The following CACNB4 variants were observed in gnomAD, a reference collection of about 807,000 sequenced individuals.
CACNB4 encodes calcium voltage-gated channel auxiliary subunit beta 4.
Under a neutral mutation model 71.2 loss-of-function variants are expected in CACNB4, and 32 were observed. That is an observed-to-expected ratio of 0.45 (90% confidence interval 0.34 to 0.60). CACNB4 has a LOEUF of 0.60. Ranked by LOEUF, CACNB4 falls within the 20% of genes least tolerant of loss-of-function variation. The probability of loss-of-function intolerance (pLI) is 0.01; values close to 1 mark genes in which losing one functional copy is unlikely to be tolerated. For synonymous variants in CACNB4, 231 were observed against 236.9 expected (o/e 0.97, Z 0.23); for missense variants, 464 against 647.9 (o/e 0.72, Z 3.08).
At chr2:152,065,362 GGCA>G (rs1686254519) in intron 2 of CACNB4, among the ~76,000 whole-genome samples, 1 of 150,370 alleles carries the variant, frequency 6.7e-6, no homozygotes, top group African/African-American at 2.4e-5. Flanking sequence ...CAACCTGGGT[GGCA>G]GAGCAAGACT....
Position 151,978,387 on chromosome 2 carries a change from C to T in CACNB4, c.148-95017G>A, listed in dbSNP as rs573890095. Among the ~76,000 whole-genome samples the T allele has an allele frequency of 5.5e-4, 83 of 152,212 alleles. 2 individuals carry two copies. The highest frequency in any genetic ancestry group is 4.1e-3 in the Admixed American group (62 of 15,290). On this transcript the variant is annotated intron_variant, in intron 2 of 13. Coordinates refer to ENST00000539935, the MANE Select transcript of CACNB4 (RefSeq NM_000726.5). ...CCACATTGCCCAGCTCCAAGGGCCC[C>T]ATGCACCCCATGTGAATGGTCCTCC...
intron 2 of CACNB4, among the ~76,000 whole-genome samples, chr2:151,909,381 A>G (rs1449606153): frequency 2.0e-5 from 3 of 150,856 alleles, no homozygotes; most frequent in Non-Finnish European, 4.4e-5. Context: ...AGTTGCAGTG[A>G]GCCGAGATCA....
rs537755843 is a variant in CACNB4, at chr2:151,951,290, T to TAA, written c.148-67922_148-67921dup. ...GAATCTCACCTGAATTTCTAAAAATTAAAAAAAAAAACAACTAATAACCAA... is the reference window on the plus strand; with the variant it reads ...GAATCTCACCTGAATTTCTAAAAATTAAAAAAAAAAAAACAACTAATAACCAA... On this transcript the variant is annotated intron_variant, in intron 2 of 13. Transcript: ENST00000539935. Among the ~76,000 whole-genome samples the TAA allele has an allele frequency of 2.7e-5, 4 of 145,798 alleles. No homozygotes were observed. The South Asian group carries it at 8.8e-4, about 32-fold the overall frequency.
chr2:152,004,997 C>T (rs563856489), intron 2 of CACNB4, among the ~76,000 whole-genome samples: 2 of 152,258 alleles, frequency 1.3e-5, no homozygotes, highest in Admixed American at 1.3e-4. Flanking sequence ...GTCAGAATTG[C>T]TATTATTAAA....
intron 2 of CACNB4, among the ~76,000 whole-genome samples, chr2:152,014,964 C>A (rs1402218426): frequency 1.3e-5 from 2 of 152,030 alleles, no homozygotes; most frequent in Non-Finnish European, 2.9e-5. Context: ...CGCTGTAAAC[C>A]AAGGCTGAAT....
chr2:151,982,195 TTTTAGCAAGGCTAAAA>T (rs1201566898), intron 2 of CACNB4, among the ~76,000 whole-genome samples: 1 of 152,358 alleles, frequency 6.6e-6, no homozygotes, highest in East Asian at 1.9e-4. Context: ...CCACCTTCAA[TTTTAGCAAGGCTAAAA>T]TTTAGCAAGG....
At chr2:151,881,428 G>A (rs907708213) in intron 3 of CACNB4, among the ~76,000 whole-genome samples, 14 of 152,210 alleles carry the variant, frequency 9.2e-5, no homozygotes, top group South Asian at 2.1e-4. Context: ...GTTAGTCAGC[G>A]TCAAAGCTGA....
intron 2 of CACNB4, among the ~76,000 whole-genome samples, chr2:151,983,783 A>G (rs1030026108): frequency 2.0e-5 from 3 of 152,016 alleles, no homozygotes; most frequent in African/African-American, 7.2e-5. Context: ...TTTTTAAGAT[A>G]GATTGAAAAA....
chr2:151,998,103 G>A (rs571741953), intron 2 of CACNB4, among the ~76,000 whole-genome samples: 5 of 152,070 alleles, frequency 3.3e-5, no homozygotes, highest in Admixed American at 6.5e-5. Flanking sequence ...TGGGGGGATC[G>A]CCTGAGGTCA....
intron 2 of CACNB4, among the ~76,000 whole-genome samples, chr2:152,025,821 C>T (rs1356436408): frequency 6.6e-6 from 1 of 152,192 alleles, no homozygotes; most frequent in Non-Finnish European, 1.5e-5. Context: ...GTCACAGTTA[C>T]ACTTGTTATA....
chr2:151,963,514 C>A (rs573255879), intron 2 of CACNB4, among the ~76,000 whole-genome samples: 1 of 152,078 alleles, frequency 6.6e-6, no homozygotes, highest in African/African-American at 2.4e-5. Flanking sequence ...TAAATAAATT[C>A]TTCCTATAGA....
chr2:151,888,399 A>T (rs990665730), intron 2 of CACNB4, among the ~76,000 whole-genome samples: 4 of 151,836 alleles, frequency 2.6e-5, no homozygotes, highest in Non-Finnish European at 5.9e-5. Context: ...CCATATCTAC[A>T]AAAAATAAAT....
In CACNB4 at chr2:151,835,266, C is replaced by T. The variant is rs774195581; in HGVS notation, c.*3853G>A. On this transcript the variant is annotated 3_prime_UTR_variant, in exon 14 of 14. Transcript: ENST00000539935. ...CCTTGCCTCATGATAAACTGTGAACCAATTCAAAGAAAACTTCACTAACGT... is the reference window on the plus strand; with the variant it reads ...CCTTGCCTCATGATAAACTGTGAACTAATTCAAAGAAAACTTCACTAACGT... 6.6e-6 allele frequency: 1 copy of T among 151,876 alleles called. No individual in the cohort carries two copies. The highest frequency in any genetic ancestry group is 2.4e-5 in the African/African-American group (1 of 41,426). 9.4% of individuals were successfully genotyped at this position (151,876 alleles called of 1,614,324 possible).
intron 2 of CACNB4, among the ~76,000 whole-genome samples, chr2:151,936,742 C>A (rs1469745248): frequency 6.6e-6 from 1 of 152,216 alleles, no homozygotes; most frequent in African/African-American, 2.4e-5. Flanking sequence ...GTTGGGAATG[C>A]CCTAGGGCCC....
At chr2:151,863,977 C>T (rs1282127416) in intron 9 of CACNB4, among the ~76,000 whole-genome samples, 1 of 152,178 alleles carries the variant, frequency 6.6e-6, no homozygotes, top group East Asian at 1.9e-4. Context: ...AAACCAGACA[C>T]CAAACCCAAA....
intron 2 of CACNB4, among the ~76,000 whole-genome samples, chr2:151,992,588 T>C (rs1025838455): frequency 3.3e-5 from 5 of 152,206 alleles, no homozygotes; most frequent in Non-Finnish European, 7.3e-5. Flanking sequence ...GCTTTTTCTG[T>C]AAATGGCGTG....
rs1688432439 is a variant in CACNB4 at position 152,098,808 on chromosome 2, G to T, written c.63+141C>A. Reference sequence around the variant, plus strand: ...AGCGGGAGGAGAAAGGGACGTGGAGGAGGGGTGGGGGGAGCGGGGCCGCCG... The same window carrying T: ...AGCGGGAGGAGAAAGGGACGTGGAGTAGGGGTGGGGGGAGCGGGGCCGCCG... On this transcript the variant is annotated intron_variant, in intron 1 of 13. Coordinates refer to ENST00000539935, the MANE Select transcript of CACNB4 (RefSeq NM_000726.5). The surrounding 1 kb of genome is among the most constrained non-coding windows in gnomAD (Gnocchi z 5.3). 1 of 1,008,652 alleles carries T rather than the reference G, an allele frequency of 9.9e-7. No individual in the cohort carries two copies. Among genetic ancestry groups the T allele is most frequent in the Middle Eastern group, 3.0e-4 (1 of 3,292 alleles). The allele number at this position is 1,008,652 out of a possible 1,614,324, so 62.5% of individuals were successfully genotyped here.
intron 2 of CACNB4, among the ~76,000 whole-genome samples, chr2:152,012,269 C>T (rs1683098432): frequency 6.6e-6 from 1 of 152,080 alleles, no homozygotes; most frequent in African/African-American, 2.4e-5. Context: ...ACTGATGAGC[C>T]TCACTCTGTG....
intron 2 of CACNB4, among the ~76,000 whole-genome samples, chr2:151,988,881 G>A (rs1681526724): frequency 6.6e-6 from 1 of 152,178 alleles, no homozygotes; most frequent in African/African-American, 2.4e-5. Flanking sequence ...GATAGCAATT[G>A]CCCAGCACCC....
Sources: gnomAD v4.1 joint callset for allele counts (sites outside exome capture counted in the v4.1 genomes callset) on GRCh38, gnomAD v4.1.1 for gene constraint, Gnocchi (gnomAD v3.1) non-coding constraint, MANE v1.5 for transcripts, NCBI Gene and HGNC (gene_info 2026-07-23, HGNC 2026-07-21) for gene names.